The following ESRRG variants were observed in gnomAD, a reference collection of about 807,000 sequenced individuals.
ESRRG encodes the protein estrogen-related receptor gamma.
A neutral mutation model predicts 44.0 loss-of-function variants in ESRRG; 13 were observed. That is an observed-to-expected ratio of 0.30 (90% CI 0.19 to 0.47). The LOEUF is 0.47. Among genes scored for constraint, ESRRG ranks in the 20% least tolerant of loss-of-function variants. The pLI, the probability that ESRRG is intolerant of heterozygous loss-of-function variation, is 1.00. For synonymous variants in ESRRG, 215 were observed against 214.6 expected (o/e 1.00, Z -0.02); for missense variants, 395 against 580.6 (o/e 0.68, Z 3.29).
chr1:217,048,463 A>G lies in ESRRG; in HGVS notation c.-106+41044T>C, dbSNP rs147577170. Among the ~76,000 whole-genome samples, 368 of 152,256 alleles carry G rather than the reference A, an allele frequency of 2.4e-3. 1 individual carries two copies. Among genetic ancestry groups the G allele is most frequent in the African/African-American group, 8.3e-3 (347 of 41,576 alleles). On this transcript the variant is annotated intron_variant, in intron 1 of 7. Coordinates refer to the ESRRG transcript ENST00000359162. The stretch of plus-strand genomic sequence containing the variant: ...CAGCAGCTACAGAGTTCAACTGCAA[A>G]TGGAGGCAGGGCTGCATGACCAGGC...
chr1:216,530,787 C>T (rs1640854192), intron 5 of ESRRG, among the ~76,000 whole-genome samples: 1 of 152,080 alleles, frequency 6.6e-6, no homozygotes, highest in Non-Finnish European at 1.5e-5. Context: ...ACTTCAAATC[C>T]TTTCAGAGTT....
At chr1:216,861,404 G>A (rs2096053253) in intron 2 of ESRRG, among the ~76,000 whole-genome samples, 1 of 151,962 alleles carries the variant, frequency 6.6e-6, no homozygotes. Flanking sequence ...CTAAATGTTT[G>A]AAGTGGTGAA....
intron 1 of ESRRG, among the ~76,000 whole-genome samples, chr1:217,129,774 A>G (rs527866643): frequency 3.9e-5 from 6 of 152,298 alleles, no homozygotes; most frequent in African/African-American, 9.6e-5. Flanking sequence ...AGAGACAGAA[A>G]GCAGATTAAG....
At position 217,132,904 on chromosome 1, in the gene ESRRG, C is replaced by A. The variant is rs116253892; in HGVS notation, c.-230+4763G>T. ...CTTTCTTCACTAACTGATTTGGAAACAAATGGGCCTCTCCGTTCTCTGTCA... is the reference window on the plus strand; with the variant it reads ...CTTTCTTCACTAACTGATTTGGAAAAAAATGGGCCTCTCCGTTCTCTGTCA... On this transcript the variant is annotated intron_variant, in intron 1 of 8. Coordinates refer to the ESRRG transcript ENST00000366940. Among the ~76,000 whole-genome samples the A allele has an allele frequency of 1.5e-3, 228 of 152,304 alleles. 1 individual carries two copies. The highest frequency in any genetic ancestry group is 5.3e-3 in the African/African-American group (222 of 41,580).
At chr1:216,763,709 G>A (rs2092923619) in intron 2 of ESRRG, among the ~76,000 whole-genome samples, 1 of 152,046 alleles carries the variant, frequency 6.6e-6, no homozygotes, top group Admixed American at 6.6e-5. Context: ...ACTGTGCATG[G>A]GCAGTCACAT....
At chr1:216,849,373 A>G (rs2095807159) in intron 2 of ESRRG, among the ~76,000 whole-genome samples, 1 of 152,142 alleles carries the variant, frequency 6.6e-6, no homozygotes, top group South Asian at 2.1e-4. Flanking sequence ...CGTCACATGA[A>G]CCCAACAGAA....
intron 1 of ESRRG, among the ~76,000 whole-genome samples, chr1:216,982,960 T>C (rs1328233953): frequency 1.3e-5 from 2 of 151,892 alleles, no homozygotes; most frequent in African/African-American, 4.8e-5. Flanking sequence ...ATTAGGATAA[T>C]GGTTTAAAGC....
chr1:216,923,525 T>C (rs553945282), intron 2 of ESRRG, among the ~76,000 whole-genome samples: 1 of 152,194 alleles, frequency 6.6e-6, no homozygotes, highest in Non-Finnish European at 1.5e-5. Flanking sequence ...TGTTACTCCA[T>C]AGTTCTGCAT....
At chr1:216,963,623 A>T (rs1245228111) in intron 1 of ESRRG, among the ~76,000 whole-genome samples, 1 of 152,160 alleles carries the variant, frequency 6.6e-6, no homozygotes, top group Non-Finnish European at 1.5e-5. Context: ...CCACCAATCT[A>T]TACAAAATAA....
At chr1:217,082,534 A>C (rs1057443236) in intron 1 of ESRRG, among the ~76,000 whole-genome samples, 1 of 152,164 alleles carries the variant, frequency 6.6e-6, no homozygotes, top group Admixed American at 6.5e-5. Flanking sequence ...TTCTCATAAC[A>C]CACTGTCCTT....
intron 6 of ESRRG, among the ~76,000 whole-genome samples, chr1:216,516,441 G>A (rs1299938585): frequency 6.6e-6 from 1 of 151,898 alleles, no homozygotes; most frequent in Non-Finnish European, 1.5e-5. Context: ...CCAAGCATAA[G>A]CACAACATTT....
At chr1:216,581,317 T>C (rs995354008) in intron 3 of ESRRG, among the ~76,000 whole-genome samples, 8 of 152,140 alleles carry the variant, frequency 5.3e-5, no homozygotes, top group African/African-American at 1.9e-4. Flanking sequence ...TAGATATATA[T>C]GTATACCTCT....
intron 1 of ESRRG, among the ~76,000 whole-genome samples, chr1:216,981,733 A>ATG (rs1560352124): frequency 3.9e-5 from 6 of 152,090 alleles, no homozygotes; most frequent in Non-Finnish European, 7.4e-5. Flanking sequence ...ACACATACGC[A>ATG]CGCACACACA....
intron 2 of ESRRG, among the ~76,000 whole-genome samples, chr1:216,892,618 A>G (rs770917060): frequency 5.3e-5 from 8 of 152,190 alleles, no homozygotes; most frequent in African/African-American, 1.2e-4. Context: ...CTGAGTCTGT[A>G]GGATTTGTTC....
chr1:216,783,785 T>C (rs2094020728), intron 2 of ESRRG, among the ~76,000 whole-genome samples: 1 of 152,044 alleles, frequency 6.6e-6, no homozygotes, highest in Non-Finnish European at 1.5e-5. Context: ...CCCATAGGAC[T>C]CCTACTTAAG....
At chr1:216,867,056 CTCT>C (rs2096177271) in intron 2 of ESRRG, among the ~76,000 whole-genome samples, 2 of 152,154 alleles carry the variant, frequency 1.3e-5, no homozygotes, top group African/African-American at 4.8e-5. Flanking sequence ...GATACTGGTG[CTCT>C]TCTTCAAAGG....
chr1:217,095,849 G>A (rs1580561973), intron 1 of ESRRG, among the ~76,000 whole-genome samples: 1 of 152,234 alleles, frequency 6.6e-6, no homozygotes, highest in South Asian at 2.1e-4. Flanking sequence ...CCTGTAAATA[G>A]CCAGTGCATG....
chr1:216,890,741 T>C (rs747537214), intron 2 of ESRRG, among the ~76,000 whole-genome samples: 59 of 152,270 alleles, frequency 3.9e-4, no homozygotes, highest in Non-Finnish European at 6.9e-4. Flanking sequence ...ACCTGTGATA[T>C]AAAAACCCAA....
At chr1:217,135,237 C>G (rs1046129146) in intron 1 of ESRRG, among the ~76,000 whole-genome samples, 8 of 152,058 alleles carry the variant, frequency 5.3e-5, no homozygotes, top group Admixed American at 2.0e-4. Context: ...GCGCTTTTCC[C>G]CCTCCTCACC....
Sources: gnomAD v4.1 joint callset for allele counts (sites outside exome capture counted in the v4.1 genomes callset) on GRCh38, gnomAD v4.1.1 for gene constraint, MANE v1.5 for transcripts, NCBI Gene and HGNC (gene_info 2026-07-23, HGNC 2026-07-21) for gene names.